Variants in LMO7 observed in about 807,000 individuals in gnomAD.
LMO7 encodes the protein LIM domain only protein 7.
In LMO7, 120 loss-of-function variants were observed where a neutral mutation model predicts 206.5. That is an observed-to-expected ratio of 0.58 (90% CI 0.50 to 0.68). LMO7 has a LOEUF of 0.68. Ranked by LOEUF, LMO7 falls within the 30% of genes least tolerant of loss-of-function variation. The pLI is 0.00. For missense variants in LMO7, 1,959 were observed against 1,957.9 expected (o/e 1.00, Z -0.01); for synonymous variants, 706 against 681.5 (o/e 1.04, Z -0.56).
chr13:75,765,921 C>T (rs1031130010), intron 4 of LMO7, among the ~76,000 whole-genome samples: 19 of 152,154 alleles, frequency 1.2e-4, no homozygotes, highest in African/African-American at 4.1e-4. Context: ...GATAAGCCTT[C>T]ATGCTGTGGA....
chr13:75,743,976 G>T lies in LMO7; in HGVS notation c.210+16878G>T, dbSNP rs75140669. ...GGATCACCACTTGTAATTTGACATA[G>T]TTTGAGGTTATCCAGTATGAATAAA... On this transcript the variant is annotated intron_variant, in intron 3 of 30. Coordinates refer to ENST00000377534, the MANE Select transcript of LMO7 (RefSeq NM_001306080.2). Among the ~76,000 whole-genome samples the T allele has an allele frequency of 5.0e-3, 768 of 152,268 alleles. 9 individuals carry two copies. Among genetic ancestry groups the T allele is most frequent in the Admixed American group, 8.8e-3 (135 of 15,292 alleles).
intron 14 of LMO7, among the ~76,000 whole-genome samples, chr13:75,822,811 T>C (rs1746253154): frequency 9.4e-6 from 1 of 106,200 alleles, no homozygotes; most frequent in African/African-American, 3.4e-5. Context: ...CTAAAAATTA[T>C]ATATATATAA....
At chr13:75,702,079 GGACTA>G (rs1400347529) in intron 1 of LMO7, among the ~76,000 whole-genome samples, 1 of 152,014 alleles carries the variant, frequency 6.6e-6, no homozygotes, top group Non-Finnish European at 1.5e-5. Context: ...TTCTTCTCGT[GGACTA>G]GAAATGTTTA....
intron 4 of LMO7, among the ~76,000 whole-genome samples, chr13:75,770,037 A>G (rs533914741): frequency 6.6e-6 from 1 of 152,020 alleles, no homozygotes; most frequent in East Asian, 1.9e-4. Flanking sequence ...TTTGTGTATA[A>G]TAGGGGTATA....
At chr13:75,665,233 A>G (rs140977444) in intron 1 of LMO7, among the ~76,000 whole-genome samples, 20 of 152,192 alleles carry the variant, frequency 1.3e-4, no homozygotes, top group Non-Finnish European at 2.2e-4. Flanking sequence ...AAAAATTTTG[A>G]AGTTTTTGGT....
chr13:75,802,755 G>T (rs1297771768), intron 7 of LMO7, among the ~76,000 whole-genome samples: 1 of 152,128 alleles, frequency 6.6e-6, no homozygotes, highest in African/African-American at 2.4e-5. Flanking sequence ...TGGGATGGAG[G>T]CACCAGGCCG....
chr13:75,739,932 A>T (rs2046282719), intron 3 of LMO7, among the ~76,000 whole-genome samples: 1 of 152,040 alleles, frequency 6.6e-6, no homozygotes, highest in Non-Finnish European at 1.5e-5. Flanking sequence ...AAGAGATGAG[A>T]CCTCAAGACA....
chr13:75,823,704 CAGA>C lies in LMO7; in HGVS notation c.2787_2789del (p.Glu929del), dbSNP rs552462139. On this transcript the variant is annotated inframe_deletion, in exon 15 of 31. Coordinates refer to ENST00000377534, the MANE Select transcript of LMO7 (RefSeq NM_001306080.2). ...TCTAGCCAGAAAGAGGTAGCAGCAA[CAGA>C]AGAAGATGTGACAAGGCTGCCCTCT... is the stretch of plus-strand genomic sequence containing the variant. 391 of 1,614,158 alleles carry C rather than the reference CAGA, an allele frequency of 2.4e-4. 3 individuals carry two copies. In the African/African-American group the frequency reaches 4.4e-3, roughly 18 times the overall value.
intron 2 of LMO7, among the ~76,000 whole-genome samples, chr13:75,725,269 T>C (rs1407030840): frequency 6.6e-6 from 1 of 152,110 alleles, no homozygotes; most frequent in Non-Finnish European, 1.5e-5. Context: ...GGAGCAGAAA[T>C]TTATGATACT....
At chr13:75,641,046 CACCAAATTCTTAGCCCTT>C (rs1449762651) in intron 1 of LMO7, among the ~76,000 whole-genome samples, 4 of 152,218 alleles carry the variant, frequency 2.6e-5, no homozygotes, top group Non-Finnish European at 4.4e-5. Flanking sequence ...TAGATTCAGT[CACCAAATTCTTAGCCCTT>C]ACCTGGACCT....
intron 26 of LMO7, among the ~76,000 whole-genome samples, chr13:75,848,383 A>T (rs537755498): frequency 9.2e-5 from 14 of 152,290 alleles, no homozygotes; most frequent in African/African-American, 3.4e-4. Context: ...GGTTGCTGCA[A>T]ATGCCATTAA....
intron 7 of LMO7, among the ~76,000 whole-genome samples, chr13:75,801,914 A>G (rs949485559): frequency 3.3e-5 from 5 of 152,208 alleles, no homozygotes; most frequent in South Asian, 2.1e-4. Context: ...TAATTCCACC[A>G]TGATGTTTTA....
chr13:75,795,319 A>G (rs2053845089), intron 4 of LMO7, 82 bp from the exon 5 acceptor site: 1 of 910,792 alleles, frequency 1.1e-6, no homozygotes, highest in Non-Finnish European at 1.7e-6. Flanking sequence ...GAATTTTAGA[A>G]TAAAAATGAG....
Position 75,834,274 on chromosome 13 carries a change from C to A in LMO7, c.3113C>A (p.Ala1038Asp). 6.2e-7 allele frequency: 1 copy of A among 1,609,780 alleles called. No homozygotes were observed. The highest frequency in any genetic ancestry group is 1.3e-5 in the African/African-American group (1 of 74,778). The change falls in exon 17 of 31, where the codon GCT (alanine) becomes GAT (aspartate). Residue 1038 changes from alanine (A) to aspartate (D), a missense_variant. Physicochemically the swap from Ala to Asp is moderately radical, Grantham distance 126. Transcript: ENST00000377534. ...CTACAAGTAGATGATGAAATTATTGCTATTAACAACACCAAGTTTTCATAT... is the reference window on the plus strand; with the variant it reads ...CTACAAGTAGATGATGAAATTATTGATATTAACAACACCAAGTTTTCATAT... ...SQLQVDDEII[A>D]INNTKFSYND...
At chr13:75,768,743 T>C (rs546190577) in intron 4 of LMO7, among the ~76,000 whole-genome samples, 1 of 152,004 alleles carries the variant, frequency 6.6e-6, no homozygotes, top group Non-Finnish European at 1.5e-5. Context: ...ATCTGAAAGG[T>C]TTTTGTAGAG....
intron 4 of LMO7, among the ~76,000 whole-genome samples, chr13:75,784,252 C>G (rs1013761091): frequency 2.0e-5 from 3 of 152,032 alleles, no homozygotes; most frequent in African/African-American, 7.2e-5. Flanking sequence ...TATATTATCT[C>G]GATTAACCTT....
chr13:75,769,883 AT>A, intron 4 of LMO7, among the ~76,000 whole-genome samples: 1 of 152,182 alleles, frequency 6.6e-6, no homozygotes. Flanking sequence ...ATTCTATTTA[AT>A]TTACTGAGAT....
chr13:75,743,352 T>C (rs2046573559), intron 3 of LMO7, among the ~76,000 whole-genome samples: 1 of 152,166 alleles, frequency 6.6e-6, no homozygotes. Flanking sequence ...AGAAATCCCA[T>C]TACTGGGTAT....
chr13:75,670,966 C>CTTTTTTTTTTTTTT (rs552236505), intron 1 of LMO7, among the ~76,000 whole-genome samples: 171 of 99,980 alleles, frequency 1.7e-3, no homozygotes, highest in Non-Finnish European at 2.7e-3. Flanking sequence ...ATGTTTAAAA[C>CTTTTTTTTTTTTTT]TTTTTTTTTT....
Sources: gnomAD v4.1 joint callset for allele counts (sites outside exome capture counted in the v4.1 genomes callset) on GRCh38, gnomAD v4.1.1 for gene constraint, MANE v1.5 for transcripts, NCBI Gene and HGNC (gene_info 2026-07-23, HGNC 2026-07-21) for gene names.